Variants in IFT81 observed in about 807,000 individuals in gnomAD.
IFT81 encodes the protein intraflagellar transport 81, also known as intraflagellar transport protein 81 homolog.
Under a neutral mutation model 102.6 loss-of-function variants are expected in IFT81, and 72 were observed. That is an observed-to-expected ratio of 0.70 (90% CI 0.58 to 0.85). The LOEUF (loss-of-function observed/expected upper bound fraction) is 0.85. Ranked by LOEUF, IFT81 falls within the 40% of genes least tolerant of loss-of-function variation. The pLI, the probability that IFT81 is intolerant of heterozygous loss-of-function variation, is 0.00. For missense variants in IFT81, 723 were observed against 787.3 expected, an observed-to-expected ratio of 0.92 and a Z score of 0.98; for synonymous variants, 237 against 242.7, an observed-to-expected ratio of 0.98 and a Z score of 0.22.
At chr12:110,214,152 AAG>A (rs1022546144) in intron 18 of IFT81, among the ~76,000 whole-genome samples, 8 of 152,208 alleles carry the variant, frequency 5.3e-5, no homozygotes, top group African/African-American at 1.9e-4. Flanking sequence ...AAAGGAAAAA[AAG>A]AAATAATTTT....
chr12:110,213,098 C>G (rs1252919199), intron 18 of IFT81, among the ~76,000 whole-genome samples: 3 of 152,042 alleles, frequency 2.0e-5, no homozygotes, highest in Non-Finnish European at 4.4e-5. Flanking sequence ...CATTATCCTA[C>G]CGAAAAGAAT....
At chr12:110,210,161 T>C (rs1390525756) in intron 18 of IFT81, among the ~76,000 whole-genome samples, 1 of 152,292 alleles carries the variant, frequency 6.6e-6, no homozygotes, top group East Asian at 1.9e-4. Context: ...AAAAAACGTA[T>C]ACTTACTAAT....
In IFT81 at chr12:110,202,455, A is replaced by G. The variant is rs868473560; in HGVS notation, c.1558-1409A>G. ...TAACCTGAATTCAAATTGTGATTCC[A>G]CCTTTTTTTTTTTTTTGAGATGGAG... On this transcript the variant is annotated intron_variant, in intron 14 of 18. Transcript: ENST00000242591. Among the ~76,000 whole-genome samples the G allele has an allele frequency of 8.1e-5, 12 of 147,592 alleles. No homozygotes were observed. In the South Asian group the frequency reaches 1.5e-3, roughly 18 times the overall value.
chr12:110,192,697 A>C lies in IFT81; in HGVS notation c.1548A>C (p.Gln516His), dbSNP rs752556393. The change falls in exon 14 of 19, where the codon CAA (glutamine) becomes CAC (histidine). Residue 516 changes from glutamine (Q) to histidine (H), a missense_variant. Coordinates refer to ENST00000242591, the MANE Select transcript of IFT81 (RefSeq NM_014055.4). ...SVIKELRQLR[Q>H]KYQELTQECD... ...TAAAAGAGCTACGACAGTTGCGTCA[A>C]AAATATCAAGTAAGTTTTTGATTTT... The C allele has an allele frequency of 6.4e-7, 1 of 1,559,658 alleles. No homozygotes were observed. The highest frequency in any genetic ancestry group is 1.9e-5 in the Admixed American group (1 of 53,452).
At chr12:110,169,321 G>A (rs1233952663) in intron 11 of IFT81, 1 of 152,064 alleles carries the variant, frequency 6.6e-6, no homozygotes, top group Admixed American at 6.6e-5. Context: ...TTCACCCCAT[G>A]TGCCTTTTCC....
At chr12:110,211,030 ATTT>A (rs961144640) in intron 18 of IFT81, among the ~76,000 whole-genome samples, 1 of 129,302 alleles carries the variant, frequency 7.7e-6, no homozygotes, top group Non-Finnish European at 1.7e-5. Context: ...TAATTTTTGT[ATTT>A]TTTTTTTTTT....
chr12:110,182,949 A>G (rs1173165181), intron 12 of IFT81, among the ~76,000 whole-genome samples: 1 of 152,166 alleles, frequency 6.6e-6, no homozygotes, highest in Admixed American at 6.5e-5. Flanking sequence ...TATCATGGGC[A>G]TCGGTTTAAG....
At chr12:110,213,992 C>A (rs1212369661) in intron 18 of IFT81, among the ~76,000 whole-genome samples, 1 of 151,968 alleles carries the variant, frequency 6.6e-6, no homozygotes, top group Non-Finnish European at 1.5e-5. Flanking sequence ...AAAAAGTGTT[C>A]ACCTGTGATT....
At chr12:110,161,743 T>G (rs1015621518) in intron 10 of IFT81, among the ~76,000 whole-genome samples, 35 of 152,090 alleles carry the variant, frequency 2.3e-4, no homozygotes, top group Non-Finnish European at 1.9e-4. Flanking sequence ...CGTGAGCCAC[T>G]GCACCCAGCC....
At chr12:110,175,498 C>T (rs1443752036) in intron 11 of IFT81, among the ~76,000 whole-genome samples, 1 of 152,122 alleles carries the variant, frequency 6.6e-6, no homozygotes, top group African/African-American at 2.4e-5. Flanking sequence ...TTTAGAAACC[C>T]TTATAGTCAT....
intron 14 of IFT81, among the ~76,000 whole-genome samples, chr12:110,194,901 C>A (rs368944220): frequency 6.6e-6 from 1 of 152,052 alleles, no homozygotes; most frequent in Admixed American, 6.6e-5. Flanking sequence ...TGAAATCAAC[C>A]GTGACTGATA....
chr12:110,133,603 G>C (rs1894307416), intron 5 of IFT81, among the ~76,000 whole-genome samples: 1 of 152,032 alleles, frequency 6.6e-6, no homozygotes, highest in Non-Finnish European at 1.5e-5. Flanking sequence ...ACTCTAGCTG[G>C]GTGACAGAGT....
intron 9 of IFT81, among the ~76,000 whole-genome samples, chr12:110,145,879 C>T (rs780443789): frequency 3.0e-4 from 46 of 152,112 alleles, no homozygotes; most frequent in African/African-American, 5.3e-4. Context: ...GGTGCGATCT[C>T]GGCTCACTGC....
At chr12:110,207,070 C>T (rs1015368727) in intron 17 of IFT81, among the ~76,000 whole-genome samples, 50 of 151,860 alleles carry the variant, frequency 3.3e-4, no homozygotes, top group Admixed American at 1.6e-3. Context: ...TGCTCTGTCA[C>T]CCAGGCTGGA....
At chr12:110,165,098 A>AT (rs1211891983) in intron 11 of IFT81, among the ~76,000 whole-genome samples, 1 of 152,060 alleles carries the variant, frequency 6.6e-6, no homozygotes, top group Non-Finnish European at 1.5e-5. Context: ...GAAAAAAAAA[A>AT]GCAGTCTTTT....
At position 110,218,068 on chromosome 12, in the gene IFT81, A is replaced by T. The variant is rs751994339; in HGVS notation, c.1873A>T (p.Ile625Leu). 2.2e-5 allele frequency: 35 copies of T among 1,601,276 alleles called. No individual in the cohort carries two copies. In the African/African-American group the frequency reaches 4.5e-4, roughly 20 times the overall value. Residue 625 changes from isoleucine to leucine, a missense_variant, in exon 19 of 19, where the codon ATA becomes TTA. Coordinates refer to ENST00000242591, the MANE Select transcript of IFT81 (RefSeq NM_014055.4). ...GAAACTTCGGGAAAAACAAAAAGTT[A>T]TACGAGAAAGTCATGGTCCAAATAT... ...GKKLREKQKV[I>L]RESHGPNMKQ...
intron 11 of IFT81, among the ~76,000 whole-genome samples, chr12:110,176,647 G>A (rs762772701): frequency 1.6e-4 from 25 of 152,114 alleles, no homozygotes; most frequent in African/African-American, 6.0e-4. Context: ...TTGATAATGT[G>A]TTTTCTTTTT....
rs2137296688 is a variant in IFT81, at chr12:110,129,120, C to T, written c.419C>T (p.Thr140Ile). 1 of 1,591,602 alleles carries T rather than the reference C, an allele frequency of 6.3e-7. No individual in the cohort carries two copies. The highest frequency in any genetic ancestry group is 1.1e-5 in the South Asian group (1 of 87,168). The change falls in exon 4 of 19, where the codon ACC becomes ATC. Residue 140 changes from threonine (T) to isoleucine (I), a missense_variant. Physicochemically the swap from Thr to Ile is moderately conservative, Grantham distance 89 (BLOSUM62 -1). Transcript: ENST00000242591. The part of the protein sequence containing the change: ...EFLQDETVAD[T>I]NKQYEELMEA... The stretch of plus-strand genomic sequence containing the variant: ...CTTCAGGATGAAACTGTGGCTGACA[C>T]CAATAAACAGGTAAACAATACATAA...
chr12:110,174,391 GTTGCAGTGACCCGAGA>G (rs1328478423), intron 11 of IFT81, among the ~76,000 whole-genome samples: 1 of 149,156 alleles, frequency 6.7e-6, no homozygotes, highest in Non-Finnish European at 1.5e-5. Context: ...GGAGGCGGAG[GTTGCAGTGACCCGAGA>G]TTGCACCATT....
Sources: gnomAD v4.1 joint callset for allele counts (sites outside exome capture counted in the v4.1 genomes callset) on GRCh38, gnomAD v4.1.1 for gene constraint, MANE v1.5 for transcripts, NCBI Gene and HGNC (gene_info 2026-07-23, HGNC 2026-07-21) for gene names.